PPM1L: variants seen among roughly 807,000 people sequenced by gnomAD.
PPM1L encodes the protein protein phosphatase 1L.
PPM1L carries 13 observed loss-of-function variants against 31.4 expected under a neutral mutation model. That is an observed-to-expected ratio of 0.41 (90% confidence interval 0.27 to 0.66). PPM1L has a LOEUF of 0.66. PPM1L is among the 30% of genes least tolerant of loss of function. The pLI is 0.29. For missense variants in PPM1L, 326 were observed against 453.7 expected (o/e 0.72, Z 2.56); for synonymous variants, 184 against 175.4 (o/e 1.05, Z -0.39).
intron 2 of PPM1L, among the ~76,000 whole-genome samples, chr3:161,043,716 G>C (rs956882893): frequency 6.6e-6 from 1 of 152,190 alleles, no homozygotes; most frequent in Non-Finnish European, 1.5e-5. Flanking sequence ...TGGGAGAAGT[G>C]TTTTATATCA....
At chr3:161,057,906 T>A (rs951648736) in intron 2 of PPM1L, among the ~76,000 whole-genome samples, 1 of 151,712 alleles carries the variant, frequency 6.6e-6, no homozygotes, top group Non-Finnish European at 1.5e-5. Flanking sequence ...GGTAAATAGC[T>A]ACTCCAAGAA....
chr3:160,837,868 T>C (rs538905543), intron 1 of PPM1L, among the ~76,000 whole-genome samples: 90 of 152,336 alleles, frequency 5.9e-4, no homozygotes, highest in African/African-American at 2.1e-3. Flanking sequence ...TTTAATGCTC[T>C]GCTGTCACTG....
intron 1 of PPM1L, among the ~76,000 whole-genome samples, chr3:160,872,321 A>C (rs916884303): frequency 1.1e-4 from 16 of 152,212 alleles, no homozygotes; most frequent in Non-Finnish European, 2.2e-4. Context: ...ATAATCCATT[A>C]CTATTTTCTT....
intron 1 of PPM1L, among the ~76,000 whole-genome samples, chr3:160,952,701 G>A (rs938499936): frequency 6.6e-6 from 1 of 152,176 alleles, no homozygotes; most frequent in Non-Finnish European, 1.5e-5. Context: ...TAAATTTACT[G>A]TTGACATGAG....
chr3:161,054,659 C>T (rs1719365492), intron 2 of PPM1L, among the ~76,000 whole-genome samples: 2 of 152,096 alleles, frequency 1.3e-5, no homozygotes, highest in Admixed American at 1.3e-4. Context: ...GTGGGTTCTA[C>T]CCCTTACTAG....
At chr3:160,843,508 G>T (rs1460778981) in intron 1 of PPM1L, among the ~76,000 whole-genome samples, 4 of 136,806 alleles carry the variant, frequency 2.9e-5, no homozygotes, top group African/African-American at 1.1e-4. Context: ...GGGTACATGT[G>T]CACAACGTGC....
intron 2 of PPM1L, among the ~76,000 whole-genome samples, chr3:161,002,598 G>C (rs1398409177): frequency 6.7e-6 from 1 of 148,702 alleles, no homozygotes; most frequent in Middle Eastern, 3.4e-3. Flanking sequence ...GTGATGGTGA[G>C]CATTTTTTCA....
At chr3:160,898,150 C>CT (rs35048914) in intron 1 of PPM1L, among the ~76,000 whole-genome samples, 1 of 152,068 alleles carries the variant, frequency 6.6e-6, no homozygotes, top group African/African-American at 2.4e-5. Context: ...ACACTCATTC[C>CT]TTTTTTTGGC....
intron 2 of PPM1L, among the ~76,000 whole-genome samples, chr3:161,006,524 A>C (rs903506573): frequency 1.3e-5 from 2 of 152,206 alleles, no homozygotes; most frequent in African/African-American, 4.8e-5. Context: ...ATAAAAGATA[A>C]AAAAGTTTTT....
At chr3:160,814,765 C>CAT (rs1220003275) in intron 1 of PPM1L, among the ~76,000 whole-genome samples, 1 of 148,586 alleles carries the variant, frequency 6.7e-6, no homozygotes, top group Non-Finnish European at 1.5e-5. Context: ...ATGTATATAC[C>CAT]ATATATATAC....
chr3:160,857,686 T>TA, intron 1 of PPM1L, among the ~76,000 whole-genome samples: 1 of 152,322 alleles, frequency 6.6e-6, no homozygotes, highest in East Asian at 1.9e-4. Flanking sequence ...TGCCTGCTCT[T>TA]AAAGAGGTTA....
At chr3:160,829,820 C>T (rs1047829948) in intron 1 of PPM1L, among the ~76,000 whole-genome samples, 1 of 152,094 alleles carries the variant, frequency 6.6e-6, no homozygotes, top group Non-Finnish European at 1.5e-5. Context: ...GGGATGAATA[C>T]ACAGATATTT....
At chr3:161,035,991 A>G (rs1273591287) in intron 2 of PPM1L, 1 of 152,262 alleles carries the variant, frequency 6.6e-6, no homozygotes, top group Non-Finnish European at 1.5e-5. Flanking sequence ...GGGAAACAGT[A>G]TACCAGCAAG....
chr3:161,051,816 A>T (rs1429288651), intron 2 of PPM1L, among the ~76,000 whole-genome samples: 5 of 152,222 alleles, frequency 3.3e-5, no homozygotes, highest in African/African-American at 1.2e-4. Context: ...ATAATTTATG[A>T]GTAACTGCAG....
At chr3:161,055,716 C>T (rs376623206) in intron 2 of PPM1L, among the ~76,000 whole-genome samples, 2 of 151,982 alleles carry the variant, frequency 1.3e-5, no homozygotes, top group South Asian at 2.1e-4. Context: ...CTCTATGTCT[C>T]GCCCCCTTTC....
chr3:160,884,522 T>C (rs1273045001), intron 1 of PPM1L, among the ~76,000 whole-genome samples: 1 of 152,196 alleles, frequency 6.6e-6, no homozygotes, highest in East Asian at 1.9e-4. Context: ...GTGGCACTGA[T>C]AGTTTTAGCA....
intron 1 of PPM1L, among the ~76,000 whole-genome samples, chr3:160,775,412 A>T (rs1376180799): frequency 6.6e-6 from 1 of 152,170 alleles, no homozygotes; most frequent in East Asian, 1.9e-4. Flanking sequence ...TTGAGGAGAT[A>T]ATTTATTTAT....
intron 2 of PPM1L, among the ~76,000 whole-genome samples, chr3:161,062,648 T>G (rs899612681): frequency 2.6e-5 from 4 of 152,178 alleles, no homozygotes; most frequent in African/African-American, 9.7e-5. Flanking sequence ...GGACTAAATT[T>G]TATTTTATTT....
chr3:160,847,080 T>G (rs1714099434), intron 1 of PPM1L, among the ~76,000 whole-genome samples: 1 of 152,164 alleles, frequency 6.6e-6, no homozygotes, highest in East Asian at 1.9e-4. Flanking sequence ...TAGCATTTTT[T>G]TCTTCTATCA....
Sources: gnomAD v4.1 joint callset for allele counts (sites outside exome capture counted in the v4.1 genomes callset) on GRCh38, gnomAD v4.1.1 for gene constraint, MANE v1.5 for transcripts, NCBI Gene and HGNC (gene_info 2026-07-23, HGNC 2026-07-21) for gene names.